The following MPP7 variants were observed in gnomAD, a reference collection of about 807,000 sequenced individuals.
The protein encoded by MPP7 is MAGUK p55 subfamily member 7.
Under a neutral mutation model 76.5 loss-of-function variants are expected in MPP7, and 60 were observed. The observed-to-expected ratio is 0.78, with a 90% CI of 0.64 to 0.97. The LOEUF (loss-of-function observed/expected upper bound fraction) is 0.97, where lower values mean the gene tolerates loss of function less well. Ranked by LOEUF, MPP7 falls within the 50% of genes least tolerant of loss-of-function variation. The probability of loss-of-function intolerance (pLI) is 0.00; values close to 1 mark genes in which losing one functional copy is unlikely to be tolerated. For synonymous variants in MPP7, 237 were observed against 244.5 expected (o/e 0.97, Z 0.29); for missense variants, 641 against 694.0 (o/e 0.92, Z 0.86).
intron 2 of MPP7, among the ~76,000 whole-genome samples, chr10:28,232,400 G>A (rs1252890085): frequency 6.8e-6 from 1 of 146,952 alleles, no homozygotes; most frequent in East Asian, 1.9e-4. Context: ...CAAATTGATT[G>A]GTAACGTAAG....
intron 1 of MPP7, among the ~76,000 whole-genome samples, chr10:28,266,525 A>G (rs1840154962): frequency 6.6e-6 from 1 of 152,150 alleles, no homozygotes; most frequent in Non-Finnish European, 1.5e-5. Context: ...AGCTATGATC[A>G]TGCCACTGTA....
intron 1 of MPP7, among the ~76,000 whole-genome samples, chr10:28,302,395 G>A (rs1173556462): frequency 2.0e-5 from 3 of 150,522 alleles, no homozygotes; most frequent in Non-Finnish European, 1.5e-5. Context: ...CCTGTTCTCA[G>A]AAAACATGTA....
At chr10:28,229,120 T>C (rs540117595) in intron 2 of MPP7, among the ~76,000 whole-genome samples, 9 of 152,288 alleles carry the variant, frequency 5.9e-5, no homozygotes, top group African/African-American at 1.9e-4. Context: ...TGGATTTATA[T>C]GCATTCAAAA....
At chr10:28,320,874 G>A (rs1834363668) in intron 2 of MPP7, among the ~76,000 whole-genome samples, 1 of 151,508 alleles carries the variant, frequency 6.6e-6, no homozygotes, top group Non-Finnish European at 1.5e-5. Context: ...ACAAAAGGCA[G>A]CACTGGTAAT....
At chr10:28,237,977 GT>G (rs55641522) in intron 2 of MPP7, among the ~76,000 whole-genome samples, 16 of 151,204 alleles carry the variant, frequency 1.1e-4, no homozygotes, top group Non-Finnish European at 1.6e-4. Flanking sequence ...GTGTGTGTTA[GT>G]TTTTTTTTCC....
At chr10:28,265,391 T>A (rs917311427) in intron 1 of MPP7, among the ~76,000 whole-genome samples, 1 of 152,048 alleles carries the variant, frequency 6.6e-6, no homozygotes, top group African/African-American at 2.4e-5. Context: ...AAACCCCATC[T>A]CCACAAAAAA....
At chr10:28,137,785 A>G (rs1473475332) in intron 5 of MPP7, among the ~76,000 whole-genome samples, 2 of 152,206 alleles carry the variant, frequency 1.3e-5, no homozygotes, top group Non-Finnish European at 2.9e-5. Flanking sequence ...AGAGCCACCA[A>G]TCACAACTGA....
chr10:28,308,735 G>A lies in MPP7; in HGVS notation c.-132+21194C>T, dbSNP rs939926458. On this transcript the variant is annotated intron_variant, in intron 2 of 11. Transcript: ENST00000441595. ...TGAGGCTGCAGTGAGCTATGATCAC[G>A]CCATTGCACTCCAGCCTGGGCAACA... Among the ~76,000 whole-genome samples the A allele has an allele frequency of 5.9e-5, 9 of 151,602 alleles. 1 individual carries two copies. The East Asian group carries it at 9.7e-4, about 16-fold the overall frequency.
intron 11 of MPP7, among the ~76,000 whole-genome samples, chr10:28,095,585 G>C (rs192206370): frequency 6.6e-6 from 1 of 152,148 alleles, no homozygotes; most frequent in Non-Finnish European, 1.5e-5. Context: ...GAAAAAGGGA[G>C]TTAATCGTTT....
intron 13 of MPP7, 75 bp from the exon 14 acceptor site, chr10:28,059,818 G>T: frequency 1.0e-6 from 1 of 992,712 alleles, no homozygotes; most frequent in East Asian, 2.5e-5. Flanking sequence ...AAGAAATCAA[G>T]GGTATTTAAT....
At chr10:28,265,535 G>C (rs1200684295) in intron 1 of MPP7, among the ~76,000 whole-genome samples, 1 of 151,876 alleles carries the variant, frequency 6.6e-6, no homozygotes, top group Non-Finnish European at 1.5e-5. Flanking sequence ...CTCCAGCTTG[G>C]GCAACAGCAT....
chr10:28,329,785 G>C (rs996815710), intron 2 of MPP7: 22 of 152,130 alleles, frequency 1.4e-4, no homozygotes, highest in African/African-American at 4.8e-4. Context: ...AGGATTTCCA[G>C]TAACTGAGGA....
chr10:28,215,491 T>C (rs757793629), intron 2 of MPP7, among the ~76,000 whole-genome samples: 5 of 151,986 alleles, frequency 3.3e-5, no homozygotes, highest in Admixed American at 6.6e-5. Context: ...GAGAGAGAGA[T>C]GTGAACAACT....
chr10:28,334,620 TA>T (rs1834499091), upstream of MPP7: 1 of 152,230 alleles, frequency 6.6e-6, no homozygotes, highest in Non-Finnish European at 1.5e-5. Flanking sequence ...CTACAAGGGT[TA>T]AAATGCTGTG....
chr10:28,303,128 G>T (rs1045520229), upstream of MPP7, among the ~76,000 whole-genome samples: 5 of 152,228 alleles, frequency 3.3e-5, no homozygotes, highest in Admixed American at 6.5e-5. Flanking sequence ...TGCACCGCCC[G>T]CGGGTAAGAG....
intron 3 of MPP7, among the ~76,000 whole-genome samples, chr10:28,196,723 T>A (rs768495583): frequency 6.6e-6 from 1 of 152,144 alleles, no homozygotes; most frequent in African/African-American, 2.4e-5. Context: ...GAGTTTCATA[T>A]TTCAATGAAG....
chr10:28,265,241 A>T (rs1840111347), intron 1 of MPP7, among the ~76,000 whole-genome samples: 1 of 152,268 alleles, frequency 6.6e-6, no homozygotes, highest in South Asian at 2.1e-4. Flanking sequence ...TTAAAAGAAC[A>T]GAATTATGAG....
chr10:28,124,216 T>C (rs1315689713), intron 7 of MPP7, 100 bp from the exon 8 acceptor site: 2 of 793,512 alleles, frequency 2.5e-6, no homozygotes, highest in East Asian at 4.9e-5. Context: ...GTTCCCTTAA[T>C]ACACTTAACG....
chr10:28,285,747 T>A (rs568965332), intron 1 of MPP7, among the ~76,000 whole-genome samples: 1 of 151,706 alleles, frequency 6.6e-6, no homozygotes, highest in Non-Finnish European at 1.5e-5. Context: ...AGAAACTGAA[T>A]CAAATCAAGA....
Sources: gnomAD v4.1 joint callset for allele counts (sites outside exome capture counted in the v4.1 genomes callset) on GRCh38, gnomAD v4.1.1 for gene constraint, MANE v1.5 for transcripts, NCBI Gene and HGNC (gene_info 2026-07-23, HGNC 2026-07-21) for gene names.